FAM229B: variants seen among roughly 807,000 people sequenced by gnomAD.
The protein encoded by FAM229B is family with sequence similarity 229 member B.
FAM229B carries 2 observed loss-of-function variants against 6.7 expected under a neutral mutation model. The observed-to-expected ratio is 0.30, with a 90% CI of 0.12 to 0.94. The LOEUF (loss-of-function observed/expected upper bound fraction) is 0.94. Ranked by LOEUF, FAM229B falls within the 40% of genes least tolerant of loss-of-function variation. The probability of loss-of-function intolerance (pLI) is 0.54; values close to 1 mark genes in which losing one functional copy is unlikely to be tolerated. For synonymous variants in FAM229B, 29 were observed against 34.0 expected, an observed-to-expected ratio of 0.85 and a Z score of 0.51; for missense variants, 93 against 96.2, an observed-to-expected ratio of 0.97 and a Z score of 0.14.
intron 2 of FAM229B, among the ~76,000 whole-genome samples, chr6:112,099,036 G>A (rs1554318939): frequency 6.6e-6 from 1 of 152,180 alleles, no homozygotes; most frequent in Non-Finnish European, 1.5e-5. Context: ...GTGTGCACCT[G>A]TAGTTCCAGT....
At chr6:112,095,662 C>A (rs200512430) in intron 1 of FAM229B, among the ~76,000 whole-genome samples, 2,623 of 76,004 alleles carry the variant, frequency 0.035, no homozygotes, top group Middle Eastern at 0.046. Flanking sequence ...AAAAAAAAAC[C>A]AAAAAAAAAA....
chr6:112,099,098 G>A (rs938963276), intron 2 of FAM229B, among the ~76,000 whole-genome samples, 172 bp from the exon 3 acceptor site: 2 of 152,158 alleles, frequency 1.3e-5, no homozygotes, highest in Non-Finnish European at 2.9e-5. Flanking sequence ...TTTCAAAATT[G>A]TAGTGCACTA....
rs145358007 is a variant in FAM229B at position 112,101,206 on chromosome 6, T to A, written c.*419T>A. On this transcript the variant is annotated 3_prime_UTR_variant, in exon 4 of 4. Transcript: ENST00000368656. ...ACCTTAGTACCCTAAGCCAGTTTCCTGGCTTGATACTATTTGATAATGCTC... is the reference window on the plus strand; with the variant it reads ...ACCTTAGTACCCTAAGCCAGTTTCCAGGCTTGATACTATTTGATAATGCTC... 14 of 157,778 alleles carry A rather than the reference T, an allele frequency of 8.9e-5. No homozygotes were observed. In the East Asian group the frequency reaches 2.4e-3, roughly 27 times the overall value. The allele number at this position is 157,778 out of a possible 1,614,324, so 9.8% of individuals were successfully genotyped here.
In FAM229B at chr6:112,102,734, G is replaced by A. The variant is rs1777415312; in HGVS notation, c.*1947G>A. The stretch of plus-strand genomic sequence containing the variant: ...ATCAAACTGATTTCAAGTAACTTGA[G>A]TGCATCCAAGGGGAGAAAACCCATC... On this transcript the variant is annotated 3_prime_UTR_variant, in exon 4 of 4. Transcript: ENST00000368656. 1 of 151,972 alleles carries A rather than the reference G, an allele frequency of 6.6e-6. No homozygotes were observed. Among genetic ancestry groups the A allele is most frequent in the African/African-American group, 2.4e-5 (1 of 41,368 alleles). 9.4% of individuals were successfully genotyped at this position (151,972 alleles called of 1,614,324 possible). A position where few individuals can be genotyped will look rare whatever the true frequency, so the allele number is the denominator to read the frequency against.
At position 112,099,337 on chromosome 6, in the gene FAM229B, T is replaced by C; in HGVS notation, c.54T>C (p.Asp18=). The change falls in exon 3 of 4, where the codon GAT becomes GAC. Residue 18 remains aspartate, a synonymous_variant. Transcript: ENST00000368656. ...QPRRFPVEGG[D]SSIELEPGLS... ...GGAGGTTTCCAGTGGAAGGAGGAGA[T>C]TCTTCAATTGAGCTGGAACCTGGGC... is the stretch of plus-strand genomic sequence containing the variant. The C allele has an allele frequency of 1.2e-6, 2 of 1,613,978 alleles. No homozygotes were observed. Among genetic ancestry groups the C allele is most frequent in the East Asian group, 2.2e-5 (1 of 44,870 alleles).
chr6:112,088,375 G>C (rs1301175207), intron 1 of FAM229B, among the ~76,000 whole-genome samples: 1 of 152,110 alleles, frequency 6.6e-6, no homozygotes, highest in Admixed American at 6.5e-5. Context: ...GATCAAATTA[G>C]ACCAGATTTT....
At chr6:112,091,848 G>GGAA (rs1190960106) in intron 1 of FAM229B, among the ~76,000 whole-genome samples, 1 of 151,442 alleles carries the variant, frequency 6.6e-6, no homozygotes, top group Non-Finnish European at 1.5e-5. Flanking sequence ...GAGGACAGAA[G>GGAA]GAAGCCCAGG....
rs1777367107 is a variant in FAM229B at position 112,099,405 on chromosome 6, C to T, written c.122C>T (p.Thr41Ile). 1 of 1,612,954 alleles carries T rather than the reference C, an allele frequency of 6.2e-7. No homozygotes were observed. Among genetic ancestry groups the T allele is most frequent in the African/African-American group, 1.3e-5 (1 of 74,988 alleles). Reference protein sequence around the residue: ...AACNGKEMSPTRQLRRCPGSH... With the variant: ...AACNGKEMSPIRQLRRCPGSH... ...TGTAATGGGAAGGAGATGTCACCAA[C>T]CAGGTAAAGTCTTCTGTCCTCACAA... Residue 41 changes from threonine to isoleucine, a missense_variant, in exon 3 of 4, where the codon ACC (threonine) becomes ATC (isoleucine). Coordinates refer to ENST00000368656, the MANE Select transcript of FAM229B (RefSeq NM_001033564.3).
intron 1 of FAM229B, among the ~76,000 whole-genome samples, chr6:112,091,177 G>A (rs1777252681): frequency 2.0e-5 from 3 of 152,032 alleles, no homozygotes; most frequent in Admixed American, 2.0e-4. Flanking sequence ...CACAAATGAC[G>A]GCATTTTCTT....
chr6:112,098,775 A>G (rs1777357770), intron 2 of FAM229B, among the ~76,000 whole-genome samples: 1 of 152,206 alleles, frequency 6.6e-6, no homozygotes, highest in Non-Finnish European at 1.5e-5. Context: ...CAACCATTTA[A>G]AGGCATACAG....
rs1014479 is a variant in FAM229B, at chr6:112,101,365, C to G, written c.*578C>G. On this transcript the variant is annotated 3_prime_UTR_variant, in exon 4 of 4. Coordinates refer to ENST00000368656, the MANE Select transcript of FAM229B (RefSeq NM_001033564.3). ...ATTTAAGCCACTTCCATAGAGGAGC[C>G]CAGATTGTTGGTTAAATATATTGAT... The G allele has an allele frequency of 2.2e-3, 330 of 152,222 alleles. 1 individual carries two copies. Among genetic ancestry groups the G allele is most frequent in the African/African-American group, 7.7e-3 (320 of 41,510 alleles). 9.4% of individuals were successfully genotyped at this position (152,222 alleles called of 1,614,324 possible).
chr6:112,099,883 TGATATA>T (rs1777374262), intron 3 of FAM229B, among the ~76,000 whole-genome samples: 1 of 152,082 alleles, frequency 6.6e-6, no homozygotes, highest in African/African-American at 2.4e-5. Context: ...GCAGAAAGAG[TGATATA>T]GAATCTGAAG....
intron 1 of FAM229B, among the ~76,000 whole-genome samples, chr6:112,093,079 AC>A (rs1777278372): frequency 6.6e-6 from 1 of 151,892 alleles, no homozygotes; most frequent in Non-Finnish European, 1.5e-5. Context: ...TGATAAAAAT[AC>A]CCTAATTTCA....
Position 112,087,804 on chromosome 6 carries a change from C to A in FAM229B, c.-176+84C>A, listed in dbSNP as rs948905115. The A allele has an allele frequency of 2.0e-5, 5 of 252,386 alleles. No homozygotes were observed. The Admixed American group carries it at 2.7e-4, about 14-fold the overall frequency. The allele number at this position is 252,386 out of a possible 1,614,324, so 15.6% of individuals were successfully genotyped here. A position where few individuals can be genotyped will look rare whatever the true frequency, so the allele number is the denominator to read the frequency against. On this transcript the variant is annotated intron_variant, in intron 1 of 3. Transcript: ENST00000368656. ...TCAGAGGTTTAATTTTTGTTCACAG[C>A]CTCAACACCCGGGGCGGTGGATCAG...
At chr6:112,092,898 T>C (rs902276286) in intron 1 of FAM229B, among the ~76,000 whole-genome samples, 3 of 151,874 alleles carry the variant, frequency 2.0e-5, no homozygotes, top group Admixed American at 1.3e-4. Context: ...CAAAGGTGTA[T>C]AGTAATAAAC....
chr6:112,092,107 G>T (rs978359926), intron 1 of FAM229B, among the ~76,000 whole-genome samples: 1 of 152,174 alleles, frequency 6.6e-6, no homozygotes, highest in South Asian at 2.1e-4. Flanking sequence ...TAATATACAT[G>T]TAACTGGCAT....
At chr6:112,095,662 C>CAA (rs376039549) in intron 1 of FAM229B, among the ~76,000 whole-genome samples, 27 of 77,888 alleles carry the variant, frequency 3.5e-4, no homozygotes, top group Admixed American at 5.7e-4. Flanking sequence ...AAAAAAAAAC[C>CAA]AAAAAAAAAA....
intron 3 of FAM229B, among the ~76,000 whole-genome samples, chr6:112,099,659 C>T (rs781906192): frequency 1.3e-5 from 2 of 152,156 alleles, no homozygotes; most frequent in Non-Finnish European, 2.9e-5. Flanking sequence ...ACAACAACAA[C>T]AAAAACACAA....
intron 1 of FAM229B, among the ~76,000 whole-genome samples, chr6:112,087,956 C>T (rs1296179254): frequency 2.6e-5 from 4 of 152,044 alleles, no homozygotes; most frequent in Non-Finnish European, 4.4e-5. Context: ...TGTCAGGGCA[C>T]AATTGAAACT....
Sources: allele counts gnomAD v4.1 joint callset (sites outside exome capture counted in the v4.1 genomes callset), GRCh38; gene constraint gnomAD v4.1.1; transcripts MANE v1.5; gene names NCBI Gene and HGNC (gene_info 2026-07-23, HGNC 2026-07-21).